The following GRIA1 variants were observed in gnomAD, a reference collection of about 807,000 sequenced individuals.
The protein encoded by GRIA1 is glutamate ionotropic receptor AMPA type subunit 1, also known as glutamate receptor 1.
Under a neutral mutation model 99.2 loss-of-function variants are expected in GRIA1, and 31 were observed. That is an observed-to-expected ratio of 0.31 (90% CI 0.23 to 0.42). GRIA1 has a LOEUF of 0.42. Among genes scored for constraint, GRIA1 ranks in the 10% least tolerant of loss-of-function variants. The probability of loss-of-function intolerance (pLI) is 1.00; values close to 1 mark genes in which losing one functional copy is unlikely to be tolerated. For missense variants in GRIA1, 782 were observed against 1,157.5 expected (o/e 0.68, Z 4.71); for synonymous variants, 438 against 432.4 (o/e 1.01, Z -0.16).
chr5:153,616,460 T>C (rs908562182), intron 2 of GRIA1, among the ~76,000 whole-genome samples: 7 of 147,800 alleles, frequency 4.7e-5, no homozygotes, highest in Admixed American at 1.4e-4. Flanking sequence ...CCAACATCAA[T>C]GATGAGCTAA....
chr5:153,496,076 G>A (rs764348215), intron 2 of GRIA1, among the ~76,000 whole-genome samples: 7 of 152,246 alleles, frequency 4.6e-5, no homozygotes, highest in Non-Finnish European at 1.0e-4. Context: ...TCCTAGTAGT[G>A]TCAAGATGTT....
At chr5:153,608,410 C>T (rs1223422708) in intron 2 of GRIA1, among the ~76,000 whole-genome samples, 2 of 151,994 alleles carry the variant, frequency 1.3e-5, no homozygotes, top group African/African-American at 4.8e-5. Context: ...TCACTGTAAC[C>T]CACATTCTTT....
intron 11 of GRIA1, among the ~76,000 whole-genome samples, chr5:153,760,855 G>A (rs192499739): frequency 1.6e-4 from 24 of 151,916 alleles, no homozygotes; most frequent in Non-Finnish European, 1.0e-4. Context: ...GAACAAAATA[G>A]ACAACCCAGA....
At chr5:153,715,451 G>T (rs1372078693) in intron 11 of GRIA1, among the ~76,000 whole-genome samples, 3 of 151,992 alleles carry the variant, frequency 2.0e-5, no homozygotes, top group Admixed American at 2.0e-4. Context: ...CAGCAGGGCC[G>T]GCTGGGATTG....
At chr5:153,527,040 A>G (rs543875304) in intron 2 of GRIA1, among the ~76,000 whole-genome samples, 14 of 152,302 alleles carry the variant, frequency 9.2e-5, no homozygotes, top group African/African-American at 2.9e-4. Flanking sequence ...TATTTCCAGT[A>G]TCCCCTAGTG....
At chr5:153,490,627 A>C (rs879872646), upstream of GRIA1, 52 of 524,550 alleles carry the variant, frequency 9.9e-5, no homozygotes, top group Admixed American at 2.3e-4. Context: ...TGGGGGAGCC[A>C]GCGCTCCAGC....
At chr5:153,671,796 C>T (rs1168969087) in intron 5 of GRIA1, among the ~76,000 whole-genome samples, 1 of 152,184 alleles carries the variant, frequency 6.6e-6, no homozygotes, top group Non-Finnish European at 1.5e-5. Flanking sequence ...TTCTAGGACA[C>T]ATCAGTGACC....
chr5:153,509,331 G>A (rs1755834085), intron 2 of GRIA1, among the ~76,000 whole-genome samples: 1 of 152,124 alleles, frequency 6.6e-6, no homozygotes, highest in Non-Finnish European at 1.5e-5. Context: ...GTAAAGTATG[G>A]GGTAAAGAAA....
intron 2 of GRIA1, among the ~76,000 whole-genome samples, chr5:153,634,540 A>G (rs1753213814): frequency 6.6e-6 from 1 of 152,104 alleles, no homozygotes; most frequent in Non-Finnish European, 1.5e-5. Context: ...GCCCAGGCAG[A>G]GGTGTCATGG....
At chr5:153,498,057 C>T (rs1244622391) in intron 2 of GRIA1, among the ~76,000 whole-genome samples, 1 of 152,136 alleles carries the variant, frequency 6.6e-6, no homozygotes. Context: ...AGCACAGAGA[C>T]TGAGTTCTGG....
rs1758870736 is a variant in GRIA1, at chr5:153,706,103, T to G, written c.1823+36T>G. ...TCTTCTCAATCCCTTTGCCTAATGC[T>G]ATGGTTTTGTTTGTTTGTTTGTTTG... On this transcript the variant is annotated intron_variant, in intron 11 of 15. Coordinates refer to ENST00000285900, the MANE Select transcript of GRIA1 (RefSeq NM_000827.4). 4.4e-6 allele frequency: 7 copies of G among 1,598,386 alleles called. No individual in the cohort carries two copies. The East Asian group carries it at 1.6e-4, about 36-fold the overall frequency.
chr5:153,684,209 T>C (rs1757188057), intron 7 of GRIA1, among the ~76,000 whole-genome samples: 1 of 152,170 alleles, frequency 6.6e-6, no homozygotes, highest in Admixed American at 6.5e-5. Flanking sequence ...TTCCTGTGAC[T>C]AGAGATGAAA....
At chr5:153,693,173 G>C (rs1180808317) in intron 8 of GRIA1, among the ~76,000 whole-genome samples, 1 of 152,122 alleles carries the variant, frequency 6.6e-6, no homozygotes, top group South Asian at 2.1e-4. Context: ...TCAACATCCA[G>C]CTAACAGATA....
At chr5:153,515,708 G>A (rs1002594651) in intron 2 of GRIA1, among the ~76,000 whole-genome samples, 1 of 152,146 alleles carries the variant, frequency 6.6e-6, no homozygotes, top group African/African-American at 2.4e-5. Flanking sequence ...TCTATCAAAA[G>A]ATCACACTGT....
At chr5:153,625,126 G>A (rs530743980) in intron 2 of GRIA1, among the ~76,000 whole-genome samples, 2 of 152,022 alleles carry the variant, frequency 1.3e-5, no homozygotes, top group Admixed American at 1.3e-4. Context: ...TAGCAATATT[G>A]CTGCTGAAGC....
chr5:153,791,011 A>T (rs772547484), intron 13 of GRIA1, among the ~76,000 whole-genome samples: 5 of 152,204 alleles, frequency 3.3e-5, no homozygotes, highest in Admixed American at 3.3e-4. Flanking sequence ...TATCATGATC[A>T]ATAATCAATG....
chr5:153,669,265 G>C (rs955246636), intron 5 of GRIA1, among the ~76,000 whole-genome samples: 2 of 152,124 alleles, frequency 1.3e-5, no homozygotes, highest in African/African-American at 4.8e-5. Context: ...TTATTCTTTT[G>C]TTTTTAAATT....
chr5:153,777,934 T>C (rs1289011236), intron 13 of GRIA1, among the ~76,000 whole-genome samples: 1 of 152,202 alleles, frequency 6.6e-6, no homozygotes, highest in Non-Finnish European at 1.5e-5. Flanking sequence ...TCCTGATGGG[T>C]AGCCAGGGAT....
At chr5:153,725,949 A>C (rs1350332681) in intron 11 of GRIA1, among the ~76,000 whole-genome samples, 4 of 141,422 alleles carry the variant, frequency 2.8e-5, no homozygotes, top group Non-Finnish European at 6.1e-5. Context: ...TTTTTTCAGC[A>C]CCGCACCACA....
Sources: gnomAD v4.1 joint callset for allele counts (sites outside exome capture counted in the v4.1 genomes callset) on GRCh38, gnomAD v4.1.1 for gene constraint, MANE v1.5 for transcripts, NCBI Gene and HGNC (gene_info 2026-07-23, HGNC 2026-07-21) for gene names.